The following SOX10 variants were observed in gnomAD, a reference collection of about 807,000 sequenced individuals.
SOX10 encodes the protein SRY-box transcription factor 10, also known as transcription factor SOX-10.
Under a neutral mutation model 35.0 loss-of-function variants are expected in SOX10, and 3 were observed. That is an observed-to-expected ratio of 0.09 (90% CI 0.04 to 0.22). The LOEUF is 0.22. Among genes scored for constraint, SOX10 ranks in the 10% least tolerant of loss-of-function variants. The pLI is 1.00. For missense variants in SOX10, 436 were observed against 655.1 expected, an observed-to-expected ratio of 0.67 and a Z score of 3.65; for synonymous variants, 285 against 291.0, an observed-to-expected ratio of 0.98 and a Z score of 0.21.
intron 3 of SOX10, among the ~76,000 whole-genome samples, chr22:37,976,247 G>A (rs1233445854): frequency 6.6e-6 from 1 of 152,026 alleles, no homozygotes; most frequent in East Asian, 1.9e-4. Flanking sequence ...ACAAAAAAAA[G>A]ACAGAGTCTT....
In SOX10 at chr22:37,980,120, G is replaced by GAGTC. The variant is rs1932351480; in HGVS notation, c.429-1989_429-1986dup. On this transcript the variant is annotated intron_variant, in intron 2 of 3. Coordinates refer to ENST00000396884, the MANE Select transcript of SOX10 (RefSeq NM_006941.4). The surrounding 1 kb of genome is among the most constrained non-coding windows in gnomAD (Gnocchi z 4.1). ...GGTCCCTCCAGCCGAGACTCTGTCAGAGTCAGTGTACACACTTAGGACAAA... is the reference window on the plus strand; with the variant it reads ...GGTCCCTCCAGCCGAGACTCTGTCAGAGTCAGTCAGTGTACACACTTAGGACAAA... Among the ~76,000 whole-genome samples, 1 of 152,160 alleles carries GAGTC rather than the reference G, an allele frequency of 6.6e-6. No individual in the cohort carries two copies.
chr22:37,983,892 G>T lies in SOX10; in HGVS notation c.-84-24C>A. ...ACCTGGATGGAAGGAGGGCGCGATG[G>T]AGCGGCCGCGCGCGCAGCCCCGAGG... On this transcript the variant is annotated intron_variant, in intron 1 of 3. Transcript: ENST00000396884. The surrounding 1 kb of genome is among the most constrained non-coding windows in gnomAD (Gnocchi z 9.5). 1 of 999,790 alleles carries T rather than the reference G, an allele frequency of 1.0e-6. No individual in the cohort carries two copies. The highest frequency in any genetic ancestry group is 3.8e-4 in the Middle Eastern group (1 of 2,628). The allele number at this position is 999,790 out of a possible 1,614,324, so 61.9% of individuals were successfully genotyped here.
At position 37,980,623 on chromosome 22, in the gene SOX10, C is replaced by A. The variant is rs1247811338; in HGVS notation, c.429-2488G>T. ...CACCATGTAAACCCAATCTCCAGCA[C>A]CAGTCCCCACTCAACATTACCAGCC... On this transcript the variant is annotated intron_variant, in intron 2 of 3. Coordinates refer to ENST00000396884, the MANE Select transcript of SOX10 (RefSeq NM_006941.4). The surrounding 1 kb of genome is among the most constrained non-coding windows in gnomAD (Gnocchi z 4.1). 6.6e-6 allele frequency among the ~76,000 whole-genome samples: 1 copy of A among 152,190 alleles called. No homozygotes were observed. Among genetic ancestry groups the A allele is most frequent in the African/African-American group, 2.4e-5 (1 of 41,446 alleles).
rs1240086161 is a variant in SOX10 at position 37,974,541 on chromosome 22, C to T, written c.698-343G>A. 1.3e-5 allele frequency among the ~76,000 whole-genome samples: 2 copies of T among 151,938 alleles called. No homozygotes were observed. The highest frequency in any genetic ancestry group is 2.9e-5 in the Non-Finnish European group (2 of 67,984). ...CTAATTTGTGTATTTTTAGTAGAGA[C>T]GGGGTTTCACCATGTTGGCCAGGGT... On this transcript the variant is annotated intron_variant, in intron 3 of 3. Coordinates refer to ENST00000396884, the MANE Select transcript of SOX10 (RefSeq NM_006941.4). This position sits in a 1 kb window ranked among gnomAD's most constrained non-coding sequence, Gnocchi z 5.4.
rs760886063 is a variant in SOX10, at chr22:37,983,413, G to A, written c.372C>T (p.Asp124=). 4 of 1,610,922 alleles carry A rather than the reference G, an allele frequency of 2.5e-6. No individual in the cohort carries two copies. In the African/African-American group the frequency reaches 4.0e-5, roughly 16 times the overall value. The change falls in exon 2 of 4, where the codon GAC becomes GAT. Residue 124 remains aspartate (D), a synonymous_variant. Coordinates refer to ENST00000396884, the MANE Select transcript of SOX10 (RefSeq NM_006941.4). The surrounding 1 kb of genome is among the most constrained non-coding windows in gnomAD (Gnocchi z 9.5). The part of the protein sequence containing the change: ...WAQAARRKLA[D]QYPHLHNAEL... ...CAGCGTTGTGCAGGTGCGGGTACTG[G>A]TCCGCGAGCTTCCTGCGCGCTGCCT...
chr22:37,979,279 G>A (rs905002781), intron 2 of SOX10, among the ~76,000 whole-genome samples: 8 of 151,422 alleles, frequency 5.3e-5, no homozygotes, highest in Non-Finnish European at 1.0e-4. Context: ...TGTATTTTTA[G>A]TAGAGACGAG....
rs1487604469 is a variant in SOX10 at position 37,974,137 on chromosome 22, C to A, written c.759G>T (p.Lys253Asn). ...TTPKTELQSG[K>N]ADPKRDGRSM... ...AGCGCCCGTCCCGCTTCGGGTCTGC[C>A]TTGCCCGACTGCAGCTCTGTCTTCG... The change falls in exon 4 of 4, where the codon AAG becomes AAT. Residue 253 changes from lysine to asparagine, a missense_variant. Lys to Asn is a moderately conservative substitution (Grantham distance 94). Coordinates refer to ENST00000396884, the MANE Select transcript of SOX10 (RefSeq NM_006941.4). This position sits in a 1 kb window ranked among gnomAD's most constrained non-coding sequence, Gnocchi z 5.4. The A allele has an allele frequency of 1.9e-6, 3 of 1,611,404 alleles. No individual in the cohort carries two copies. Among genetic ancestry groups the A allele is most frequent in the Non-Finnish European group, 2.5e-6 (3 of 1,179,950 alleles).
In SOX10 at chr22:37,974,810, T is replaced by G. The variant is rs1932176187; in HGVS notation, c.698-612A>C. Among the ~76,000 whole-genome samples the G allele has an allele frequency of 6.6e-6, 1 of 152,250 alleles. No homozygotes were observed. Among genetic ancestry groups the G allele is most frequent in the Non-Finnish European group, 1.5e-5 (1 of 68,040 alleles). On this transcript the variant is annotated intron_variant, in intron 3 of 3. Coordinates refer to ENST00000396884, the MANE Select transcript of SOX10 (RefSeq NM_006941.4). This position sits in a 1 kb window ranked among gnomAD's most constrained non-coding sequence, Gnocchi z 5.4. The stretch of plus-strand genomic sequence containing the variant: ...CAGCTTCTCTGCTGTCCAGGTGGTC[T>G]GGCCCAGCCTTTGCGCTCTGCCAGC...
In SOX10 at chr22:37,974,071, G is replaced by A. The variant is rs200437243; in HGVS notation, c.825C>T (p.Asn275=). Residue 275 remains asparagine, a synonymous_variant, in exon 4 of 4, where the codon AAC becomes AAT. Coordinates refer to ENST00000396884, the MANE Select transcript of SOX10 (RefSeq NM_006941.4). This position sits in a 1 kb window ranked among gnomAD's most constrained non-coding sequence, Gnocchi z 5.4. ...CGTGGCTGATCTCACCAATGTCCAC[G>A]TTGCCGAAGTCGATGTGAGGCTTCC... ...EGGKPHIDFG[N]VDIGEISHEV... is the part of the protein sequence containing the mutation. 547 of 1,614,012 alleles carry A rather than the reference G, an allele frequency of 3.4e-4. No individual in the cohort carries two copies. Among genetic ancestry groups the A allele is most frequent in the Admixed American group, 4.7e-4 (28 of 60,022 alleles).
rs1932457087 is a variant in SOX10, at chr22:37,983,295, C to T, written c.428+62G>A. ...TGAGGTGCAGGAGGCCGGGCCGCCT[C>T]GGCTACCCTGAATCCACCCGAAGCT... On this transcript the variant is annotated intron_variant, in intron 2 of 3. Transcript: ENST00000396884. This position sits in a 1 kb window ranked among gnomAD's most constrained non-coding sequence, Gnocchi z 9.5. 2.6e-6 allele frequency: 4 copies of T among 1,543,542 alleles called. No homozygotes were observed. The African/African-American group carries it at 4.1e-5, about 16-fold the overall frequency.
chr22:37,973,886 G>A lies in SOX10; in HGVS notation c.1010C>T (p.Pro337Leu), dbSNP rs1363919335. Residue 337 changes from proline to leucine, a missense_variant, in exon 4 of 4, where the codon CCA becomes CTA. Coordinates refer to ENST00000396884, the MANE Select transcript of SOX10 (RefSeq NM_006941.4). ...ASGHSAWISK[P>L]PGVALPTVSP... The stretch of plus-strand genomic sequence containing the variant: ...GACCGTGGGCAGAGCCACGCCTGGT[G>A]GCTTGGAGATCCAGGCGGAGTGTCC... 1 of 1,610,366 alleles carries A rather than the reference G, an allele frequency of 6.2e-7. No individual in the cohort carries two copies. Among genetic ancestry groups the A allele is most frequent in the East Asian group, 2.2e-5 (1 of 44,850 alleles).
Position 37,978,851 on chromosome 22 carries a change from A to T in SOX10, c.429-716T>A, listed in dbSNP as rs1932305909. 6.6e-6 allele frequency among the ~76,000 whole-genome samples: 1 copy of T among 151,982 alleles called. No homozygotes were observed. Among genetic ancestry groups the T allele is most frequent in the Admixed American group, 6.6e-5 (1 of 15,262 alleles). On this transcript the variant is annotated intron_variant, in intron 2 of 3. Transcript: ENST00000396884. The surrounding 1 kb of genome is among the most constrained non-coding windows in gnomAD (Gnocchi z 5.0). ...GAGCTCAGTGGTATGATCTCAGCTC[A>T]CTGCAACCTCTGCCTCCCAGGTTCA...
chr22:37,982,026 C>T (rs905155330), intron 2 of SOX10, among the ~76,000 whole-genome samples: 2 of 152,206 alleles, frequency 1.3e-5, no homozygotes, highest in African/African-American at 4.8e-5. Context: ...AATCTCTACC[C>T]AACTGTGGCT....
chr22:37,976,199 G>C (rs893488962), intron 3 of SOX10, among the ~76,000 whole-genome samples: 1 of 152,106 alleles, frequency 6.6e-6, no homozygotes, highest in Non-Finnish European at 1.5e-5. Context: ...CTGCAGCCTG[G>C]GCAACAGAGC....
At chr22:37,977,507 A>G (rs1932257097) in intron 3 of SOX10, among the ~76,000 whole-genome samples, 1 of 151,896 alleles carries the variant, frequency 6.6e-6, no homozygotes, top group Non-Finnish European at 1.5e-5. Context: ...TTTTTAGTAG[A>G]GATGGGATTT....
chr22:37,974,358 T>G lies in SOX10; in HGVS notation c.698-160A>C, dbSNP rs1341661232. 2.1e-5 allele frequency among the ~76,000 whole-genome samples: 3 copies of G among 144,206 alleles called. No homozygotes were observed. The highest frequency in any genetic ancestry group is 2.2e-4 in the South Asian group (1 of 4,542). 94.6% of individuals were successfully genotyped at this position (144,206 alleles called of 152,430 possible). A position where few individuals can be genotyped will look rare whatever the true frequency, so the allele number is the denominator to read the frequency against. ...GCAGCATGAGTCGGGTTTTTTTTTG[T>G]TTTTTTTTTTTGAGATGGAGTTTCG... is the stretch of plus-strand genomic sequence containing the variant. On this transcript the variant is annotated intron_variant, in intron 3 of 3. Coordinates refer to ENST00000396884, the MANE Select transcript of SOX10 (RefSeq NM_006941.4). This position sits in a 1 kb window ranked among gnomAD's most constrained non-coding sequence, Gnocchi z 5.4.
intron 2 of SOX10, among the ~76,000 whole-genome samples, chr22:37,981,715 G>T (rs1255749356): frequency 6.6e-6 from 1 of 152,186 alleles, no homozygotes; most frequent in Non-Finnish European, 1.5e-5. Context: ...TTGTCCCCTG[G>T]CACTAAAGAT....
rs1932110888 is a variant in SOX10 at position 37,973,203 on chromosome 22, A to T, written c.*292T>A. 2.6e-6 allele frequency: 1 copy of T among 382,112 alleles called. No individual in the cohort carries two copies. The highest frequency in any genetic ancestry group is 7.0e-5 in the South Asian group (1 of 14,186). The allele number at this position is 382,112 out of a possible 1,614,324, so 23.7% of individuals were successfully genotyped here. On this transcript the variant is annotated 3_prime_UTR_variant, in exon 4 of 4. Coordinates refer to ENST00000396884, the MANE Select transcript of SOX10 (RefSeq NM_006941.4). ...GAGCAGGCCCTTCTCAGGTCCTGGG[A>T]TAGAGGGTCATTCCTGGGGGAAGGT... is the stretch of plus-strand genomic sequence containing the variant.
In SOX10 at chr22:37,973,958, T is replaced by C. The variant is rs1227299243; in HGVS notation, c.938A>G (p.Tyr313Cys). ...PNGHPGHVSS[Y>C]SAAGYGLGSA... ...GCCCAGCCCATAGCCGGCTGCTGAG[T>C]AGCTGCTCACATGGCCTGGGTGCCC... Residue 313 changes from tyrosine (Y) to cysteine (C), a missense_variant, in exon 4 of 4, where the codon TAC becomes TGC. Physicochemically the swap from Tyr to Cys is radical, Grantham distance 194. Coordinates refer to ENST00000396884, the MANE Select transcript of SOX10 (RefSeq NM_006941.4). The C allele has an allele frequency of 1.9e-6, 3 of 1,611,612 alleles. No homozygotes were observed. The highest frequency in any genetic ancestry group is 2.5e-6 in the Non-Finnish European group (3 of 1,179,916).
Sources: gnomAD v4.1 joint callset for allele counts (sites outside exome capture counted in the v4.1 genomes callset) on GRCh38, gnomAD v4.1.1 for gene constraint, Gnocchi (gnomAD v3.1) non-coding constraint, MANE v1.5 for transcripts, NCBI Gene and HGNC (gene_info 2026-07-23, HGNC 2026-07-21) for gene names.